ARNT2: variants seen among roughly 807,000 people sequenced by gnomAD.
ARNT2 encodes the protein aryl hydrocarbon receptor nuclear translocator 2, also known as ARNT protein 2.
A neutral mutation model predicts 91.7 loss-of-function variants in ARNT2; 36 were observed. That is an observed-to-expected ratio of 0.39 (90% CI 0.30 to 0.52). ARNT2 has a LOEUF of 0.52. Ranked by LOEUF, ARNT2 falls within the 20% of genes least tolerant of loss-of-function variation. The pLI is 0.72. For missense variants in ARNT2, 775 were observed against 939.3 expected (o/e 0.83, Z 2.29); for synonymous variants, 365 against 347.1 (o/e 1.05, Z -0.57).
rs996934510 is a variant in ARNT2 at position 80,568,491 on chromosome 15, C to T, written c.1316+5252C>T. Among the ~76,000 whole-genome samples, 9 of 152,316 alleles carry T rather than the reference C, an allele frequency of 5.9e-5. No individual in the cohort carries two copies. The East Asian group carries it at 7.7e-4, about 13-fold the overall frequency. Reference sequence around the variant, plus strand: ...AACCCCAGAATGCCCAGAATCATGACGGAGTCTCTCTCGAGCTGACTCACC... The same window carrying T: ...AACCCCAGAATGCCCAGAATCATGATGGAGTCTCTCTCGAGCTGACTCACC... On this transcript the variant is annotated intron_variant, in intron 12 of 18. Coordinates refer to ENST00000303329, the MANE Select transcript of ARNT2 (RefSeq NM_014862.4).
intron 1 of ARNT2, among the ~76,000 whole-genome samples, chr15:80,430,881 G>A (rs1230556979): frequency 6.6e-6 from 1 of 151,954 alleles, no homozygotes; most frequent in African/African-American, 2.4e-5. Context: ...TCCCTTAGTG[G>A]ACTAACCTAT....
At chr15:80,524,035 C>A (rs1015793226) in intron 8 of ARNT2, among the ~76,000 whole-genome samples, 2 of 151,980 alleles carry the variant, frequency 1.3e-5, no homozygotes, top group South Asian at 4.2e-4. Flanking sequence ...CCAGAAGGCA[C>A]AATTTGGATG....
chr15:80,519,042 T>C, intron 8 of ARNT2, among the ~76,000 whole-genome samples: 1 of 152,170 alleles, frequency 6.6e-6, no homozygotes, highest in Non-Finnish European at 1.5e-5. Flanking sequence ...TAATAATACA[T>C]TCATATAGTA....
At chr15:80,491,728 G>T (rs913435521) in intron 5 of ARNT2, among the ~76,000 whole-genome samples, 2 of 148,356 alleles carry the variant, frequency 1.3e-5, no homozygotes, top group African/African-American at 2.5e-5. Flanking sequence ...AAGAAGAGAA[G>T]AAATTAATAT....
At chr15:80,427,183 G>A (rs1895945679) in intron 1 of ARNT2, among the ~76,000 whole-genome samples, 1 of 152,146 alleles carries the variant, frequency 6.6e-6, no homozygotes, top group South Asian at 2.1e-4. Flanking sequence ...GGCAAAAAGG[G>A]TAAGAAAAGA....
Position 80,475,242 on chromosome 15 carries a change from A to G in ARNT2, c.622+19A>G, listed in dbSNP as rs1896783997. ...ATGACAGGTCAGTGGAGCTCCCTTT[A>G]TGAGGCTGTTTGACTCTAGAAAACA... On this transcript the variant is annotated intron_variant, in intron 5 of 18. Coordinates refer to ENST00000303329, the MANE Select transcript of ARNT2 (RefSeq NM_014862.4). 1 of 1,612,816 alleles carries G rather than the reference A, an allele frequency of 6.2e-7. No homozygotes were observed. The highest frequency in any genetic ancestry group is 2.2e-5 in the East Asian group (1 of 44,874).
At chr15:80,567,518 C>G (rs1898507611) in intron 12 of ARNT2, among the ~76,000 whole-genome samples, 2 of 152,158 alleles carry the variant, frequency 1.3e-5, no homozygotes, top group South Asian at 4.1e-4. Flanking sequence ...ATAAATACTT[C>G]CCCGCAGGGC....
intron 5 of ARNT2, among the ~76,000 whole-genome samples, chr15:80,478,190 T>G (rs1896834534): frequency 6.6e-6 from 1 of 152,210 alleles, no homozygotes; most frequent in Non-Finnish European, 1.5e-5. Flanking sequence ...GAAATCACCT[T>G]CTCTGGAAAG....
chr15:80,522,820 G>GTATA (rs57416544), intron 8 of ARNT2, among the ~76,000 whole-genome samples: 3,439 of 135,646 alleles, frequency 0.025, 50 homozygotes, highest in East Asian at 0.06. Context: ...GTGTGTGTGT[G>GTATA]TATATATATA....
In ARNT2 at chr15:80,558,425, C is replaced by T. The variant is rs144880266; in HGVS notation, c.1164+3286C>T. On this transcript the variant is annotated intron_variant, in intron 11 of 18. Transcript: ENST00000303329. ...CACAATCTCGGCTCACTGCAACCTC[C>T]ACCTTCCAGGTTCAAGTGATTCTCA... 8.7e-3 allele frequency among the ~76,000 whole-genome samples: 1,323 copies of T among 151,214 alleles called. 12 individuals carry two copies. The highest frequency in any genetic ancestry group is 0.029 in the African/African-American group (1,182 of 41,068).
At chr15:80,499,660 C>A (rs930599770) in intron 5 of ARNT2, among the ~76,000 whole-genome samples, 1 of 152,192 alleles carries the variant, frequency 6.6e-6, no homozygotes, top group Non-Finnish European at 1.5e-5. Flanking sequence ...CTATGGAGGA[C>A]TCTGATTGGC....
chr15:80,512,502 A>AG (rs2141427142), intron 6 of ARNT2, among the ~76,000 whole-genome samples: 1 of 152,334 alleles, frequency 6.6e-6, no homozygotes, highest in Admixed American at 6.5e-5. Flanking sequence ...CCCCTCTTTC[A>AG]GCAGCAGGGG....
chr15:80,412,324 C>T (rs1470437710), intron 1 of ARNT2, among the ~76,000 whole-genome samples: 1 of 152,208 alleles, frequency 6.6e-6, no homozygotes. Flanking sequence ...AGCTCTTCTC[C>T]TAGCCCCTGC....
intron 1 of ARNT2, among the ~76,000 whole-genome samples, chr15:80,408,078 A>AT (rs1267344291): frequency 3.9e-5 from 6 of 152,076 alleles, no homozygotes; most frequent in Non-Finnish European, 7.4e-5. Context: ...CAATTATTGG[A>AT]TTTTTTCCCC....
At chr15:80,428,830 G>A (rs1895968768) in intron 1 of ARNT2, among the ~76,000 whole-genome samples, 1 of 152,184 alleles carries the variant, frequency 6.6e-6, no homozygotes, top group African/African-American at 2.4e-5. Flanking sequence ...TCTGGATCTA[G>A]AAATAGACAA....
chr15:80,411,364 T>A (rs1017219329), intron 1 of ARNT2, among the ~76,000 whole-genome samples: 1 of 152,220 alleles, frequency 6.6e-6, no homozygotes, highest in Admixed American at 6.5e-5. Context: ...TAGGGTTTTG[T>A]TAATGAATAA....
chr15:80,464,897 C>T (rs1228316873), intron 3 of ARNT2, among the ~76,000 whole-genome samples: 1 of 152,158 alleles, frequency 6.6e-6, no homozygotes, highest in Non-Finnish European at 1.5e-5. Flanking sequence ...GACAGCTGAC[C>T]AGGACTCATG....
At position 80,483,671 on chromosome 15, in the gene ARNT2, G is replaced by A. The variant is rs74029806; in HGVS notation, c.622+8448G>A. ...ATCCTCCACTGTGGAACAGGAGAGC[G>A]AGGAGCTGGTAGCATGCTCATCCTG... On this transcript the variant is annotated intron_variant, in intron 5 of 18. Transcript: ENST00000303329. Among the ~76,000 whole-genome samples the A allele has an allele frequency of 5.3e-3, 803 of 152,326 alleles. 6 individuals carry two copies. Among genetic ancestry groups the A allele is most frequent in the African/African-American group, 0.018 (741 of 41,582 alleles).
intron 11 of ARNT2, among the ~76,000 whole-genome samples, chr15:80,558,404 A>G (rs1898243490): frequency 1.3e-5 from 2 of 148,302 alleles, no homozygotes; most frequent in South Asian, 4.3e-4. Flanking sequence ...TAGTGGCACA[A>G]TCTCGGCTCA....
Sources: allele counts gnomAD v4.1 joint callset (sites outside exome capture counted in the v4.1 genomes callset), GRCh38; gene constraint gnomAD v4.1.1; transcripts MANE v1.5; gene names NCBI Gene and HGNC (gene_info 2026-07-23, HGNC 2026-07-21).